Variants in JAZF1 observed in about 807,000 individuals in gnomAD.
JAZF1 encodes the protein juxtaposed with another zinc finger protein 1.
A neutral mutation model predicts 26.4 loss-of-function variants in JAZF1; 8 were observed. The observed-to-expected ratio is 0.30, with a 90% confidence interval of 0.18 to 0.55. JAZF1 has a LOEUF of 0.55. Among genes scored for constraint, JAZF1 ranks in the 20% least tolerant of loss-of-function variants. The pLI, the probability that JAZF1 is intolerant of heterozygous loss-of-function variation, is 0.94. For missense variants in JAZF1, 199 were observed against 322.0 expected, an observed-to-expected ratio of 0.62 and a Z score of 2.92; for synonymous variants, 126 against 122.3, an observed-to-expected ratio of 1.03 and a Z score of -0.20.
intron 2 of JAZF1, among the ~76,000 whole-genome samples, chr7:27,926,881 C>T (rs1784608088): frequency 1.3e-5 from 2 of 152,150 alleles, no homozygotes; most frequent in Admixed American, 1.3e-4. Context: ...TTTCTAGAAG[C>T]AGGTATGTAT....
chr7:28,142,908 C>A (rs1007109841), intron 1 of JAZF1, among the ~76,000 whole-genome samples: 1 of 152,172 alleles, frequency 6.6e-6, no homozygotes, highest in African/African-American at 2.4e-5. Context: ...GTCAACCCTG[C>A]CTAGAGCTTC....
At chr7:27,950,243 T>C (rs4722747) in intron 2 of JAZF1, among the ~76,000 whole-genome samples, 32,571 of 152,258 alleles carry the variant, frequency 0.21, 3,915 homozygotes, top group South Asian at 0.28. Context: ...TAAGACTCTC[T>C]GCAGAGTTGT....
At chr7:28,029,163 G>A (rs1783144264) in intron 1 of JAZF1, among the ~76,000 whole-genome samples, 1 of 152,136 alleles carries the variant, frequency 6.6e-6, no homozygotes, top group African/African-American at 2.4e-5. Flanking sequence ...TGGCCCCGGG[G>A]AGGAATAGGA....
intron 2 of JAZF1, among the ~76,000 whole-genome samples, chr7:27,924,098 A>G (rs533488382): frequency 8.5e-5 from 13 of 152,276 alleles, no homozygotes; most frequent in African/African-American, 3.1e-4. Context: ...CAATCTTTTG[A>G]GACCGAGTCT....
intron 1 of JAZF1, among the ~76,000 whole-genome samples, chr7:28,004,091 ATAATC>A (rs1260104064): frequency 1.3e-5 from 2 of 152,208 alleles, no homozygotes; most frequent in East Asian, 3.9e-4. Context: ...TGATCTAAGA[ATAATC>A]TAGTGTAGAA....
At chr7:27,980,715 T>A (rs1448726038) in intron 2 of JAZF1, among the ~76,000 whole-genome samples, 1 of 149,832 alleles carries the variant, frequency 6.7e-6, no homozygotes, top group Non-Finnish European at 1.5e-5. Flanking sequence ...AATAAAAATC[T>A]CTTATTTGTA....
intron 2 of JAZF1, among the ~76,000 whole-genome samples, chr7:27,950,775 A>G (rs1019838309): frequency 6.6e-6 from 1 of 152,064 alleles, no homozygotes; most frequent in Admixed American, 6.6e-5. Context: ...ACTACATAAG[A>G]CTACATCGAG....
chr7:28,013,672 C>A (rs1227869305), intron 1 of JAZF1, among the ~76,000 whole-genome samples: 2 of 152,080 alleles, frequency 1.3e-5, no homozygotes, highest in African/African-American at 2.4e-5. Flanking sequence ...GCTGCAGGAT[C>A]TGATGAGGTG....
intron 3 of JAZF1, among the ~76,000 whole-genome samples, chr7:27,889,078 G>C (rs925370666): frequency 6.6e-6 from 1 of 152,156 alleles, no homozygotes; most frequent in Admixed American, 6.5e-5. Flanking sequence ...ACTACAATGA[G>C]ATGGGCCATG....
At chr7:27,841,064 C>G in intron 3 of JAZF1, 197 bp from the exon 4 acceptor site, 1 of 563,164 alleles carries the variant, frequency 1.8e-6, no homozygotes, top group Admixed American at 3.1e-5. Flanking sequence ...GCGTTCCCAC[C>G]TAAGAGACCA....
intron 1 of JAZF1, among the ~76,000 whole-genome samples, chr7:28,064,556 T>C (rs1335661289): frequency 6.6e-6 from 1 of 152,156 alleles, no homozygotes; most frequent in Non-Finnish European, 1.5e-5. Context: ...CTAATATCAA[T>C]ATAATGACAG....
chr7:27,940,012 G>A (rs1784818810), intron 2 of JAZF1, among the ~76,000 whole-genome samples: 1 of 152,228 alleles, frequency 6.6e-6, no homozygotes, highest in South Asian at 2.1e-4. Flanking sequence ...CAGGCAGCAG[G>A]GCCAGACTGC....
chr7:28,011,264 A>G (rs936998239), intron 1 of JAZF1, among the ~76,000 whole-genome samples: 1 of 152,244 alleles, frequency 6.6e-6, no homozygotes, highest in African/African-American at 2.4e-5. Flanking sequence ...GGTTAAATCT[A>G]TTCAATTATA....
chr7:27,928,326 G>A (rs1784630906), intron 2 of JAZF1, among the ~76,000 whole-genome samples: 2 of 152,148 alleles, frequency 1.3e-5, no homozygotes, highest in South Asian at 2.1e-4. Context: ...CTTTATTTAG[G>A]TTCAGCTTTA....
At chr7:28,160,029 G>C (rs1489331663) in intron 1 of JAZF1, among the ~76,000 whole-genome samples, 1 of 152,114 alleles carries the variant, frequency 6.6e-6, no homozygotes, top group Non-Finnish European at 1.5e-5. Flanking sequence ...GAACTTAACA[G>C]AATGATGGGG....
chr7:27,998,067 A>AAGGAAGGC (rs1367724806), intron 1 of JAZF1, among the ~76,000 whole-genome samples: 2 of 72,808 alleles, frequency 2.7e-5, no homozygotes, highest in Non-Finnish European at 6.2e-5. Flanking sequence ...GGAAGGAAGG[A>AAGGAAGGC]AGGAAGGCAG....
intron 1 of JAZF1, among the ~76,000 whole-genome samples, chr7:28,021,824 C>G (rs1287958073): frequency 6.6e-6 from 1 of 152,234 alleles, no homozygotes; most frequent in East Asian, 1.9e-4. Flanking sequence ...ATGGGTCCAG[C>G]AGAAGGCCCA....
At chr7:27,853,840 T>A (rs944804392) in intron 3 of JAZF1, among the ~76,000 whole-genome samples, 3 of 152,226 alleles carry the variant, frequency 2.0e-5, no homozygotes, top group Non-Finnish European at 4.4e-5. Context: ...CTGAGAAGAA[T>A]GTATATTCTG....
chr7:27,851,209 T>C (rs946516526), intron 3 of JAZF1, among the ~76,000 whole-genome samples: 3 of 152,164 alleles, frequency 2.0e-5, no homozygotes, highest in African/African-American at 7.2e-5. Flanking sequence ...TCCCAAAGTG[T>C]TGGGATTACA....
Sources: gnomAD v4.1 joint callset for allele counts (sites outside exome capture counted in the v4.1 genomes callset) on GRCh38, gnomAD v4.1.1 for gene constraint, MANE v1.5 for transcripts, NCBI Gene and HGNC (gene_info 2026-07-23, HGNC 2026-07-21) for gene names.